Variants in SLIT3 observed in about 807,000 individuals in gnomAD.
SLIT3 encodes slit homolog 3 protein.
SLIT3 carries 68 observed loss-of-function variants against 184.0 expected under a neutral mutation model. The observed-to-expected ratio is 0.37, with a 90% CI of 0.30 to 0.45. The LOEUF is 0.45. SLIT3 is among the 20% of genes least tolerant of loss of function. The pLI is 1.00. For synonymous variants in SLIT3, 831 were observed against 828.6 expected (o/e 1.00, Z -0.05); for missense variants, 1,707 against 2,026.0 (o/e 0.84, Z 3.02).
chr5:169,218,526 G>A (rs1166027615), intron 3 of SLIT3, among the ~76,000 whole-genome samples: 2 of 152,212 alleles, frequency 1.3e-5, no homozygotes, highest in African/African-American at 4.8e-5. Context: ...CAGGTGACTG[G>A]CGGGAACATT....
chr5:168,703,226 TTGTGTGTGTGTGTGTG>T (rs370363011), intron 26 of SLIT3, among the ~76,000 whole-genome samples: 3,937 of 126,712 alleles, frequency 0.031, 101 homozygotes, highest in East Asian at 0.085. Flanking sequence ...TCATCCCACT[TTGTGTGTGTGTGTGTG>T]TGTGTGTGTG....
chr5:169,244,347 C>A (rs1204457626), intron 3 of SLIT3, among the ~76,000 whole-genome samples: 2 of 152,214 alleles, frequency 1.3e-5, no homozygotes, highest in African/African-American at 4.8e-5. Flanking sequence ...TATCTGATGC[C>A]AGATCTCATG....
At chr5:168,943,288 G>A (rs1314575842) in intron 4 of SLIT3, among the ~76,000 whole-genome samples, 4 of 152,082 alleles carry the variant, frequency 2.6e-5, no homozygotes, top group South Asian at 2.1e-4. Context: ...AAATTTTCCC[G>A]AGTTCAAGAA....
At chr5:168,782,430 C>A (rs1756008310) in intron 12 of SLIT3, among the ~76,000 whole-genome samples, 1 of 152,148 alleles carries the variant, frequency 6.6e-6, no homozygotes, top group African/African-American at 2.4e-5. Flanking sequence ...ACAGCCTTTT[C>A]CTGCTTTGGG....
intron 26 of SLIT3, among the ~76,000 whole-genome samples, chr5:168,704,684 G>A (rs1762325812): frequency 6.6e-6 from 1 of 152,216 alleles, no homozygotes; most frequent in Non-Finnish European, 1.5e-5. Context: ...CATTATAGTA[G>A]ATTAAGAGTA....
intron 14 of SLIT3, among the ~76,000 whole-genome samples, chr5:168,769,517 G>C (rs1336392717): frequency 6.6e-6 from 1 of 152,096 alleles, no homozygotes; most frequent in Non-Finnish European, 1.5e-5. Context: ...CACAGCTCTG[G>C]GTCTGTCTGG....
intron 1 of SLIT3, among the ~76,000 whole-genome samples, chr5:169,287,886 C>CA (rs1477655587): frequency 6.6e-6 from 1 of 152,074 alleles, no homozygotes; most frequent in African/African-American, 2.4e-5. Flanking sequence ...GTGAGATCTC[C>CA]AAAAAGAAAC....
rs1220399462 is a variant in SLIT3, at chr5:168,687,132, A to C, written c.3177-16T>G. 1 of 1,610,154 alleles carries C rather than the reference A, an allele frequency of 6.2e-7. No homozygotes were observed. The highest frequency in any genetic ancestry group is 8.5e-7 in the Non-Finnish European group (1 of 1,176,644). ...ACACTCGCAGCTGGAACATAGGCAG[A>C]GGCAAGGCCGTTCCTCAAGGCAAAG... On this transcript the variant is annotated splice_polypyrimidine_tract_variant and intron_variant, in intron 29 of 35. Coordinates refer to ENST00000519560, the MANE Select transcript of SLIT3 (RefSeq NM_003062.4).
At chr5:169,013,695 G>T (rs1756251815) in intron 4 of SLIT3, among the ~76,000 whole-genome samples, 2 of 152,168 alleles carry the variant, frequency 1.3e-5, no homozygotes, top group African/African-American at 2.4e-5. Context: ...GGGCAGCCGG[G>T]GCCCCATGCA....
At chr5:169,048,569 A>C (rs761662289) in intron 4 of SLIT3, among the ~76,000 whole-genome samples, 2 of 152,230 alleles carry the variant, frequency 1.3e-5, no homozygotes, top group Non-Finnish European at 2.9e-5. Context: ...CCATTCACAC[A>C]GTAGTTACCT....
chr5:168,886,163 T>C (rs1438853677), intron 4 of SLIT3, among the ~76,000 whole-genome samples: 1 of 152,182 alleles, frequency 6.6e-6, no homozygotes, highest in Non-Finnish European at 1.5e-5. Flanking sequence ...TAAATTTTAT[T>C]AATTTTATTT....
chr5:169,206,080 A>G (rs886561049), intron 3 of SLIT3, among the ~76,000 whole-genome samples: 3 of 152,218 alleles, frequency 2.0e-5, no homozygotes, highest in African/African-American at 7.2e-5. Flanking sequence ...TGCCCCCAAA[A>G]GCTAACTTTC....
chr5:168,857,268 A>G (rs1758916920), intron 5 of SLIT3, among the ~76,000 whole-genome samples: 1 of 152,314 alleles, frequency 6.6e-6, no homozygotes, highest in South Asian at 2.1e-4. Context: ...AGGGGAAATA[A>G]GTGCATTGTT....
At chr5:169,121,129 G>A (rs78006446) in intron 4 of SLIT3, among the ~76,000 whole-genome samples, 2,201 of 152,264 alleles carry the variant, frequency 0.014, 49 homozygotes, top group African/African-American at 0.05. Context: ...CAAAGTCTAT[G>A]TTCTCAAGGA....
rs143652220 is a variant in SLIT3, at chr5:168,797,063, C to T, written c.936-1485G>A. 7.1e-4 allele frequency among the ~76,000 whole-genome samples: 108 copies of T among 151,340 alleles called. 1 individual carries two copies. Among genetic ancestry groups the T allele is most frequent in the South Asian group, 2.5e-3 (12 of 4,734 alleles). ...GCCTTTGTACCCTGCTGGAGGGGGG[C>T]GGGGAGTGCACTTTACCGGGAGCAC... On this transcript the variant is annotated intron_variant, in intron 9 of 35. Transcript: ENST00000519560.
chr5:168,872,920 A>G (rs1581165442), intron 5 of SLIT3, among the ~76,000 whole-genome samples: 4 of 152,086 alleles, frequency 2.6e-5, no homozygotes, highest in Admixed American at 2.6e-4. Context: ...GATTACAGGC[A>G]TGAGCCACTG....
chr5:169,258,924 T>C (rs11958693), intron 1 of SLIT3, among the ~76,000 whole-genome samples: 11,006 of 152,142 alleles, frequency 0.072, 897 homozygotes, highest in African/African-American at 0.21. Flanking sequence ...TCAAATGGTG[T>C]GGATTTGAAT....
At chr5:168,908,140 C>A (rs1057333881) in intron 4 of SLIT3, among the ~76,000 whole-genome samples, 2 of 151,850 alleles carry the variant, frequency 1.3e-5, no homozygotes, top group Admixed American at 1.3e-4. Context: ...GAATGTAATG[C>A]CTATTTTCCA....
Position 169,196,940 on chromosome 5 carries a change from T to A in SLIT3, c.342-3390A>T, listed in dbSNP as rs79878375. Among the ~76,000 whole-genome samples, 7 of 152,274 alleles carry A rather than the reference T, an allele frequency of 4.6e-5. No homozygotes were observed. The East Asian group carries it at 1.4e-3, about 29-fold the overall frequency. ...GAACCACCCTCTATTGTCACAACTG[T>A]ACAAAGTCTTTTAAGAGTTATATTC... On this transcript the variant is annotated intron_variant, in intron 3 of 35. Coordinates refer to ENST00000519560, the MANE Select transcript of SLIT3 (RefSeq NM_003062.4).
Sources: allele counts gnomAD v4.1 joint callset (sites outside exome capture counted in the v4.1 genomes callset), GRCh38; gene constraint gnomAD v4.1.1; transcripts MANE v1.5; gene names NCBI Gene and HGNC (gene_info 2026-07-23, HGNC 2026-07-21).